STAM2: variants seen among roughly 807,000 people sequenced by gnomAD.
The protein encoded by STAM2 is signal transducing adaptor molecule 2, also known as signal transducing adapter molecule 2.
In STAM2, 51 loss-of-function variants were observed where a neutral mutation model predicts 65.6. The observed-to-expected ratio is 0.78, with a 90% CI of 0.62 to 0.98. The LOEUF is 0.98. Among genes scored for constraint, STAM2 ranks in the 50% least tolerant of loss-of-function variants. The pLI, the probability that STAM2 is intolerant of heterozygous loss-of-function variation, is 0.00. For missense variants in STAM2, 584 were observed against 617.8 expected, an observed-to-expected ratio of 0.95 and a Z score of 0.58; for synonymous variants, 198 against 208.4, an observed-to-expected ratio of 0.95 and a Z score of 0.43.
At chr2:152,168,089 T>C (rs1172274667) in intron 1 of STAM2, among the ~76,000 whole-genome samples, 1 of 152,074 alleles carries the variant, frequency 6.6e-6, no homozygotes. Flanking sequence ...ACCTGGGTAA[T>C]AGGTGGTTAG....
intron 1 of STAM2, among the ~76,000 whole-genome samples, chr2:152,164,847 T>C (rs1258748075): frequency 6.6e-6 from 1 of 152,178 alleles, no homozygotes; most frequent in Non-Finnish European, 1.5e-5. Context: ...AATTACCTTT[T>C]ACTGTCCTTT....
intron 1 of STAM2, among the ~76,000 whole-genome samples, chr2:152,175,077 A>G (rs1456111282): frequency 1.3e-5 from 2 of 152,192 alleles, no homozygotes; most frequent in Admixed American, 1.3e-4. Context: ...CAATTGTAAT[A>G]AATCTTAAAG....
intron 8 of STAM2, 72 bp downstream of exon 8, chr2:152,135,437 T>A (rs1311662201): frequency 3.7e-6 from 4 of 1,072,874 alleles, no homozygotes; most frequent in Non-Finnish European, 1.4e-6. Context: ...CTACTTTACA[T>A]CCAAAACTGA....
At chr2:152,174,781 G>A (rs952471812) in intron 1 of STAM2, among the ~76,000 whole-genome samples, 11 of 152,126 alleles carry the variant, frequency 7.2e-5, no homozygotes, top group Admixed American at 7.2e-4. Flanking sequence ...AATTCTAGTC[G>A]CACCTGGGCA....
At chr2:152,144,553 T>A (rs966636563) in intron 6 of STAM2, among the ~76,000 whole-genome samples, 1 of 152,174 alleles carries the variant, frequency 6.6e-6, no homozygotes, top group East Asian at 1.9e-4. Flanking sequence ...ATATATATAT[T>A]TTTTGAGATG....
At chr2:152,151,303 G>A (rs1003756673) in intron 1 of STAM2, among the ~76,000 whole-genome samples, 22 of 150,326 alleles carry the variant, frequency 1.5e-4, no homozygotes, top group African/African-American at 4.9e-4. Flanking sequence ...TGCCTCAGCC[G>A]CCTGAGTAGC....
At chr2:152,122,441 A>G (rs1023508179) in intron 13 of STAM2, among the ~76,000 whole-genome samples, 3 of 152,172 alleles carry the variant, frequency 2.0e-5, no homozygotes, top group African/African-American at 7.2e-5. Context: ...TCAATAAAAA[A>G]AATTATGTAA....
intron 7 of STAM2, among the ~76,000 whole-genome samples, chr2:152,140,290 T>C (rs187569609): frequency 4.1e-4 from 62 of 152,274 alleles, no homozygotes; most frequent in African/African-American, 1.4e-3. Flanking sequence ...AAATGACATT[T>C]TGCCCTCCTG....
At chr2:152,167,645 A>G (rs1341691371) in intron 1 of STAM2, among the ~76,000 whole-genome samples, 2 of 152,284 alleles carry the variant, frequency 1.3e-5, no homozygotes, top group East Asian at 3.9e-4. Context: ...CTATAATCCC[A>G]GCACTTTGGG....
chr2:152,140,171 A>G (rs1165241959), intron 7 of STAM2, among the ~76,000 whole-genome samples: 3 of 152,226 alleles, frequency 2.0e-5, no homozygotes, highest in African/African-American at 7.2e-5. Flanking sequence ...GGAGCTAAAA[A>G]GCAGAGAAAG....
At chr2:152,126,459 G>A in intron 11 of STAM2, 80 bp from the exon 12 acceptor site, 1 of 896,038 alleles carries the variant, frequency 1.1e-6, no homozygotes, top group Non-Finnish European at 1.5e-6. Flanking sequence ...TTTTAATTTA[G>A]CACAATTTCT....
chr2:152,122,574 T>C (rs1362313534), intron 13 of STAM2, among the ~76,000 whole-genome samples: 2 of 152,166 alleles, frequency 1.3e-5, no homozygotes, highest in African/African-American at 2.4e-5. Context: ...TTATTCTAAC[T>C]GAACACTAAT....
At chr2:152,139,997 T>C (rs1310942887) in intron 7 of STAM2, among the ~76,000 whole-genome samples, 1 of 152,180 alleles carries the variant, frequency 6.6e-6, no homozygotes, top group African/African-American at 2.4e-5. Context: ...ATGACGCCAT[T>C]TTATATCGAA....
chr2:152,170,864 T>C (rs115705985), intron 1 of STAM2, among the ~76,000 whole-genome samples: 181 of 152,006 alleles, frequency 1.2e-3, no homozygotes, highest in African/African-American at 4.2e-3. Context: ...AGCATGGTGG[T>C]GCGCACCTGT....
chr2:152,165,690 G>C (rs910409948), intron 1 of STAM2, among the ~76,000 whole-genome samples: 1 of 152,094 alleles, frequency 6.6e-6, no homozygotes, highest in Non-Finnish European at 1.5e-5. Flanking sequence ...CTTTGGAGTA[G>C]TTCACCTCCA....
chr2:152,154,354 A>C (rs555332431), intron 1 of STAM2, among the ~76,000 whole-genome samples: 1 of 152,344 alleles, frequency 6.6e-6, no homozygotes, highest in South Asian at 2.1e-4. Flanking sequence ...GAGGTGGCAC[A>C]CACCTATCAT....
intron 12 of STAM2, chr2:152,124,211 C>A (rs1560209151): frequency 5.6e-6 from 2 of 354,194 alleles, no homozygotes; most frequent in Non-Finnish European, 1.0e-5. Context: ...TGCAATCTAT[C>A]CAGGTTGCCT....
chr2:152,134,123 A>G (rs1173143783), intron 8 of STAM2, among the ~76,000 whole-genome samples: 1 of 152,172 alleles, frequency 6.6e-6, no homozygotes. Context: ...GCTAGAATGT[A>G]CCATATTTTA....
intron 7 of STAM2, among the ~76,000 whole-genome samples, chr2:152,136,684 G>T (rs1033029176): frequency 6.6e-5 from 10 of 151,860 alleles, no homozygotes; most frequent in South Asian, 4.2e-4. Flanking sequence ...TTCAAATTTT[G>T]CTTATTCCTT....
Sources: gnomAD v4.1 joint callset for allele counts (sites outside exome capture counted in the v4.1 genomes callset) on GRCh38, gnomAD v4.1.1 for gene constraint, MANE v1.5 for transcripts, NCBI Gene and HGNC (gene_info 2026-07-23, HGNC 2026-07-21) for gene names.